TUSC3: variants seen among roughly 807,000 people sequenced by gnomAD.
TUSC3 encodes tumor suppressor candidate 3.
Under a neutral mutation model 44.8 loss-of-function variants are expected in TUSC3, and 45 were observed. The ratio of observed to expected loss-of-function variants is 1.00; its 90% CI spans 0.79 to 1.29. The LOEUF is 1.29. Ranked by LOEUF, TUSC3 falls within the 50% of genes most tolerant of loss-of-function variation. The pLI is 0.00. For missense variants in TUSC3, 519 were observed against 437.9 expected, an observed-to-expected ratio of 1.19 and a Z score of -1.65; for synonymous variants, 212 against 152.9, an observed-to-expected ratio of 1.39 and a Z score of -2.85.
In TUSC3 at chr8:15,533,888, C is replaced by T. The variant is rs1208903776; in HGVS notation, n.189+50405C>T. ...TTCTTGGGGCTGGCATGTCTGTGGT[C>T]AGGGAGGGGTTTATCTCATGGTTGG... On this transcript the variant is annotated intron_variant and non_coding_transcript_variant, in intron 2 of 5. Transcript: ENST00000503191. Among the ~76,000 whole-genome samples the T allele has an allele frequency of 7.2e-5, 11 of 152,110 alleles. No homozygotes were observed. The South Asian group carries it at 2.1e-3, about 29-fold the overall frequency.
the TUSC3 span, among the ~76,000 whole-genome samples, chr8:15,824,920 C>G: frequency 1.2e-4 from 19 of 152,302 alleles, no homozygotes; most frequent in Non-Finnish European, 1.2e-4. Flanking sequence ...AATTCAGTTA[C>G]AGTGCTTTCC....
At chr8:15,742,304 G>C (rs1389783139) in intron 7 of TUSC3, among the ~76,000 whole-genome samples, 1 of 147,110 alleles carries the variant, frequency 6.8e-6, no homozygotes, top group Non-Finnish European at 1.5e-5. Context: ...TTCTAGAAAG[G>C]GTTCCAAAGC....
At chr8:15,767,979 A>G (rs1190400872), downstream of TUSC3, among the ~76,000 whole-genome samples, 1 of 152,144 alleles carries the variant, frequency 6.6e-6, no homozygotes, top group South Asian at 2.1e-4. Flanking sequence ...GGCAGGATCC[A>G]TGTTCAGAAA....
intron 10 of TUSC3, among the ~76,000 whole-genome samples, chr8:15,762,987 C>T (rs1038660594): frequency 6.6e-6 from 1 of 152,040 alleles, no homozygotes; most frequent in Non-Finnish European, 1.5e-5. Flanking sequence ...TCATTGCATC[C>T]TGATATCACC....
chr8:15,716,250 T>C (rs1173636782), intron 6 of TUSC3, among the ~76,000 whole-genome samples: 6 of 151,498 alleles, frequency 4.0e-5, no homozygotes, highest in Non-Finnish European at 8.8e-5. Context: ...AGTGAGACTC[T>C]TTCTCCAGAA....
the TUSC3 span, among the ~76,000 whole-genome samples, chr8:15,789,419 G>GT: frequency 6.6e-6 from 1 of 151,950 alleles, no homozygotes; most frequent in East Asian, 1.9e-4. Flanking sequence ...CATTATTTTT[G>GT]TTTTTTTAAT....
At chr8:15,642,432 T>G (rs1051308924) in intron 2 of TUSC3, among the ~76,000 whole-genome samples, 1 of 152,208 alleles carries the variant, frequency 6.6e-6, no homozygotes, top group African/African-American at 2.4e-5. Flanking sequence ...GTTCCTGGCA[T>G]ACACTAAATC....
chr8:15,624,437 G>C (rs1331504381), intron 2 of TUSC3, among the ~76,000 whole-genome samples: 1 of 152,196 alleles, frequency 6.6e-6, no homozygotes, highest in African/African-American at 2.4e-5. Context: ...CCAGCCATCA[G>C]TGTGTTTAGT....
chr8:15,585,641 C>T (rs1032410184), intron 1 of TUSC3, among the ~76,000 whole-genome samples: 1 of 152,110 alleles, frequency 6.6e-6, no homozygotes, highest in Non-Finnish European at 1.5e-5. Flanking sequence ...ATCAATCACT[C>T]CCTATTGGTT....
intron 1 of TUSC3, among the ~76,000 whole-genome samples, chr8:15,614,789 T>G (rs1348338954): frequency 6.6e-6 from 1 of 152,112 alleles, no homozygotes; most frequent in Non-Finnish European, 1.5e-5. Context: ...AAATGCCGGA[T>G]TATTATTCTT....
chr8:15,773,760 A>G, the TUSC3 span, among the ~76,000 whole-genome samples: 1 of 152,180 alleles, frequency 6.6e-6, no homozygotes, highest in Non-Finnish European at 1.5e-5. Context: ...GATTAATAGA[A>G]TGGAATTGGG....
intron 1 of TUSC3, among the ~76,000 whole-genome samples, chr8:15,455,931 T>G (rs1413733271): frequency 1.3e-5 from 2 of 152,164 alleles, no homozygotes; most frequent in African/African-American, 4.8e-5. Context: ...TAACATCCAC[T>G]ACTGTAGAAG....
intron 1 of TUSC3, among the ~76,000 whole-genome samples, chr8:15,460,454 A>G (rs554401766): frequency 6.6e-6 from 1 of 152,136 alleles, no homozygotes; most frequent in South Asian, 2.1e-4. Context: ...ATATGTATAG[A>G]TTGTGAAGAT....
At chr8:15,648,250 A>G (rs1212603445) in intron 2 of TUSC3, among the ~76,000 whole-genome samples, 2 of 152,174 alleles carry the variant, frequency 1.3e-5, no homozygotes, top group African/African-American at 4.8e-5. Flanking sequence ...CGAAATCTAT[A>G]TAAGTGCTCT....
chr8:15,512,650 A>G lies in TUSC3; in HGVS notation n.189+29167A>G, dbSNP rs528123550. 3.0e-4 allele frequency among the ~76,000 whole-genome samples: 45 copies of G among 151,858 alleles called. No homozygotes were observed. The South Asian group carries it at 9.2e-3, about 31-fold the overall frequency. On this transcript the variant is annotated intron_variant and non_coding_transcript_variant, in intron 2 of 5. Coordinates refer to the TUSC3 transcript ENST00000503191. ...TAGCTTGGCATGGTGGTACACACCTATAATTCCAGCTAGATGGGAGGCTGA... is the reference window on the plus strand; with the variant it reads ...TAGCTTGGCATGGTGGTACACACCTGTAATTCCAGCTAGATGGGAGGCTGA...
chr8:15,592,941 C>G (rs528744254), intron 1 of TUSC3, among the ~76,000 whole-genome samples: 7 of 152,070 alleles, frequency 4.6e-5, no homozygotes, highest in Non-Finnish European at 8.8e-5. Flanking sequence ...TTCTTGAGCC[C>G]ATGCACTTCA....
chr8:15,566,695 C>T (rs985542021), intron 1 of TUSC3, among the ~76,000 whole-genome samples: 2 of 151,726 alleles, frequency 1.3e-5, no homozygotes, highest in South Asian at 2.1e-4. Flanking sequence ...TCACAGCTCA[C>T]GACAGCCACA....
chr8:15,513,538 T>G (rs568914914), intron 2 of TUSC3, among the ~76,000 whole-genome samples: 62 of 152,298 alleles, frequency 4.1e-4, no homozygotes, highest in African/African-American at 1.4e-3. Flanking sequence ...AGAAAAAATA[T>G]AACTAAACTT....
the TUSC3 span, among the ~76,000 whole-genome samples, chr8:15,791,380 A>T: frequency 1.3e-5 from 2 of 152,204 alleles, no homozygotes; most frequent in African/African-American, 4.8e-5. Flanking sequence ...CCTATCATGC[A>T]CAAGATTAGT....
Sources: allele counts gnomAD v4.1 joint callset (sites outside exome capture counted in the v4.1 genomes callset), GRCh38; gene constraint gnomAD v4.1.1; transcripts MANE v1.5; gene names NCBI Gene and HGNC (gene_info 2026-07-23, HGNC 2026-07-21).